Variants in SPG21 observed in about 807,000 individuals in gnomAD.
SPG21 encodes SPG21 abhydrolase domain containing, maspardin.
Under a neutral mutation model 38.9 loss-of-function variants are expected in SPG21, and 26 were observed. That is an observed-to-expected ratio of 0.67 (90% confidence interval 0.49 to 0.93). The LOEUF (loss-of-function observed/expected upper bound fraction) is 0.93. Among genes scored for constraint, SPG21 ranks in the 40% least tolerant of loss-of-function variants. SPG21 has a pLI of 0.00. For missense variants in SPG21, 333 were observed against 376.5 expected, an observed-to-expected ratio of 0.88 and a Z score of 0.96; for synonymous variants, 136 against 128.9, an observed-to-expected ratio of 1.05 and a Z score of -0.37.
At chr15:64,965,820 G>A (rs997739960) in intron 7 of SPG21, among the ~76,000 whole-genome samples, 9 of 151,768 alleles carry the variant, frequency 5.9e-5, no homozygotes, top group African/African-American at 2.2e-4. Context: ...TCCTGCCTCA[G>A]CCTCCTAAGT....
chr15:64,973,370 A>G (rs1343017860), intron 5 of SPG21, among the ~76,000 whole-genome samples: 3 of 152,210 alleles, frequency 2.0e-5, no homozygotes, highest in Non-Finnish European at 2.9e-5. Context: ...ATTACTTAAA[A>G]TGATAAAATC....
chr15:64,985,821 C>G (rs1047421574), intron 1 of SPG21, among the ~76,000 whole-genome samples: 4 of 152,192 alleles, frequency 2.6e-5, no homozygotes, highest in Non-Finnish European at 4.4e-5. Context: ...ACCTTGGAGA[C>G]GTACTAAGCT....
intron 7 of SPG21, among the ~76,000 whole-genome samples, chr15:64,966,216 CAAGCTATTCTTTCTTG>C (rs1409163067): frequency 6.6e-6 from 1 of 152,114 alleles, no homozygotes; most frequent in Non-Finnish European, 1.5e-5. Context: ...ATGTAGAGTA[CAAGCTATTCTTTCTTG>C]GGGAAACCAG....
Position 64,974,746 on chromosome 15 carries a change from A to G in SPG21, c.308T>C (p.Val103Ala). ...KLLDHLQLDK[V>A]HLFGASLGGF... ...TCCCAAAGAAGCGCCAAAAAGATGA[A>G]CCTAATTATAAACAAATATAAGGCA... is the stretch of plus-strand genomic sequence containing the variant. Residue 103 changes from valine to alanine, a missense_variant and splice_region_variant, in exon 5 of 9, where the codon GTT (valine) becomes GCT (alanine). By Grantham distance (64) the Val-to-Ala change is moderately conservative. Transcript: ENST00000204566. 1 of 1,614,078 alleles carries G rather than the reference A, an allele frequency of 6.2e-7. No homozygotes were observed. Among genetic ancestry groups the G allele is most frequent in the Non-Finnish European group, 8.5e-7 (1 of 1,180,000 alleles).
chr15:64,963,597 C>A lies in SPG21; in HGVS notation c.*23G>T. 1 of 1,573,018 alleles carries A rather than the reference C, an allele frequency of 6.4e-7. No individual in the cohort carries two copies. Among genetic ancestry groups the A allele is most frequent in the Non-Finnish European group, 8.7e-7 (1 of 1,143,308 alleles). Reference sequence around the variant, plus strand: ...TATACAAGAACACACCGGGTCAACTCATCATTGACAGCGAGAGACACACTA... The same window carrying A: ...TATACAAGAACACACCGGGTCAACTAATCATTGACAGCGAGAGACACACTA... On this transcript the variant is annotated 3_prime_UTR_variant, in exon 9 of 9. Coordinates refer to ENST00000204566, the MANE Select transcript of SPG21 (RefSeq NM_016630.7).
intron 3 of SPG21, among the ~76,000 whole-genome samples, chr15:64,978,477 C>T (rs1051909097): frequency 1.3e-5 from 2 of 151,912 alleles, no homozygotes; most frequent in African/African-American, 4.8e-5. Flanking sequence ...CAAAAAAACT[C>T]CCCCAAAAAC....
rs750899376 is a variant in SPG21 at position 64,983,564 on chromosome 15, T to G, written c.6A>C (p.Gly2=). The G allele has an allele frequency of 1.9e-6, 3 of 1,572,852 alleles. No homozygotes were observed. The highest frequency in any genetic ancestry group is 2.3e-5 in the South Asian group (2 of 86,516). The change falls in exon 2 of 9, where the codon GGA becomes GGC. Residue 2 remains glycine (G), a synonymous_variant. Transcript: ENST00000204566. The part of the protein sequence containing the change: M[G]EIKVSPDYNW... ...TATAATCAGGAGAGACTTTAATCTC[T>G]CCCATGATTAGCTGAAATGGAGGTT...
intron 1 of SPG21, among the ~76,000 whole-genome samples, chr15:64,988,376 G>C (rs2086041527): frequency 6.6e-6 from 1 of 152,184 alleles, no homozygotes; most frequent in Non-Finnish European, 1.5e-5. Context: ...AGAGGTTTCT[G>C]CTACTTTATT....
chr15:64,967,382 G>A (rs1174602800), intron 7 of SPG21, among the ~76,000 whole-genome samples: 2 of 151,944 alleles, frequency 1.3e-5, no homozygotes, highest in Non-Finnish European at 2.9e-5. Flanking sequence ...CATGATCATG[G>A]CTCACCCCAG....
chr15:64,981,015 T>A lies in SPG21; in HGVS notation c.74A>T (p.Asp25Val). Residue 25 changes from aspartate to valine, a missense_variant, in exon 3 of 9, where the codon GAT becomes GTT. By Grantham distance (152) the Asp-to-Val change is radical. Coordinates refer to ENST00000204566, the MANE Select transcript of SPG21 (RefSeq NM_016630.7). ...GTVPLKKIIV[D>V]DDDSKIWSLY... ...CGACCATATCTTACTGTCATCATCATCCACAATAATCTGGAGGGAAGGTTA... is the reference window on the plus strand; with the variant it reads ...CGACCATATCTTACTGTCATCATCAACCACAATAATCTGGAGGGAAGGTTA... 6.2e-7 allele frequency: 1 copy of A among 1,614,106 alleles called. No individual in the cohort carries two copies. Among genetic ancestry groups the A allele is most frequent in the Non-Finnish European group, 8.5e-7 (1 of 1,180,016 alleles).
chr15:64,964,017 A>C (rs1416797057), intron 8 of SPG21, among the ~76,000 whole-genome samples: 1 of 152,152 alleles, frequency 6.6e-6, no homozygotes, highest in Non-Finnish European at 1.5e-5. Flanking sequence ...TCGGCCTCCC[A>C]AAGTGCCAGA....
At chr15:64,963,782 G>T in intron 8 of SPG21, 46 bp from the exon 9 acceptor site, 1 of 1,563,522 alleles carries the variant, frequency 6.4e-7, no homozygotes, top group Non-Finnish European at 8.8e-7. Context: ...TTGAGCTGGA[G>T]TGTCACTCTT....
At chr15:64,986,673 C>G (rs2140455242) in intron 1 of SPG21, among the ~76,000 whole-genome samples, 1 of 142,926 alleles carries the variant, frequency 7.0e-6, no homozygotes, top group Admixed American at 7.3e-5. Context: ...GAGTGAGAGT[C>G]TGTCTCAAAA....
At chr15:64,978,989 C>CA (rs71136304) in intron 3 of SPG21, among the ~76,000 whole-genome samples, 522 of 152,152 alleles carry the variant, frequency 3.4e-3, no homozygotes, top group Non-Finnish European at 4.9e-3. Flanking sequence ...ATTACAACAA[C>CA]AAAAAAATTT....
chr15:64,986,081 GT>G, intron 1 of SPG21, among the ~76,000 whole-genome samples: 3 of 152,198 alleles, frequency 2.0e-5, no homozygotes, highest in Non-Finnish European at 4.4e-5. Context: ...ATATTAATAT[GT>G]TAAGGCCAGG....
chr15:64,968,516 C>T (rs544724599), intron 7 of SPG21, among the ~76,000 whole-genome samples: 2 of 151,842 alleles, frequency 1.3e-5, no homozygotes, highest in East Asian at 1.9e-4. Context: ...AAAATAAAAC[C>T]GTTGATTATC....
At chr15:64,965,813 T>C (rs2085530452) in intron 7 of SPG21, among the ~76,000 whole-genome samples, 1 of 152,018 alleles carries the variant, frequency 6.6e-6, no homozygotes, top group African/African-American at 2.4e-5. Flanking sequence ...GTGATTCTCC[T>C]GCCTCAGCCT....
intron 1 of SPG21, among the ~76,000 whole-genome samples, chr15:64,984,180 T>C (rs1470109258): frequency 3.3e-5 from 5 of 152,176 alleles, no homozygotes. Context: ...CAAGATCACA[T>C]GGCAATGCTA....
intron 3 of SPG21, among the ~76,000 whole-genome samples, chr15:64,978,616 C>A (rs1241232844): frequency 6.6e-6 from 1 of 152,106 alleles, no homozygotes; most frequent in African/African-American, 2.4e-5. Context: ...TATTAAAATT[C>A]TATTTGTGGA....
Sources: gnomAD v4.1 joint callset for allele counts (sites outside exome capture counted in the v4.1 genomes callset) on GRCh38, gnomAD v4.1.1 for gene constraint, MANE v1.5 for transcripts, NCBI Gene and HGNC (gene_info 2026-07-23, HGNC 2026-07-21) for gene names.